Variants in HOXA3 observed in about 807,000 individuals in gnomAD.
The protein encoded by HOXA3 is homeobox protein Hox-A3.
HOXA3 carries 8 observed loss-of-function variants against 30.3 expected under a neutral mutation model. The observed-to-expected ratio is 0.26, with a 90% CI of 0.15 to 0.48. The LOEUF (loss-of-function observed/expected upper bound fraction) is 0.48, where lower values mean the gene tolerates loss of function less well. Ranked by LOEUF, HOXA3 falls within the 20% of genes least tolerant of loss-of-function variation. HOXA3 has a pLI of 0.99. For synonymous variants in HOXA3, 323 were observed against 273.1 expected, an observed-to-expected ratio of 1.18 and a Z score of -1.80; for missense variants, 653 against 614.4, an observed-to-expected ratio of 1.06 and a Z score of -0.66.
At position 27,110,676 on chromosome 7, in the gene HOXA3, A is replaced by G. The variant is rs1784321339; in HGVS notation, c.-36T>C. On this transcript the variant is annotated 5_prime_UTR_variant, in exon 5 of 6. Coordinates refer to ENST00000612286, the MANE Select transcript of HOXA3 (RefSeq NM_153631.3). ...CACGATCTTGATCGCACACTCTGAC[A>G]GGGGTTTGACACCCGTGAGGGCGCA... 1 of 1,590,916 alleles carries G rather than the reference A, an allele frequency of 6.3e-7. No homozygotes were observed. The highest frequency in any genetic ancestry group is 8.6e-7 in the Non-Finnish European group (1 of 1,161,836).
chr7:27,144,664 G>A (rs1404441461), intron 1 of HOXA3, among the ~76,000 whole-genome samples: 1 of 152,202 alleles, frequency 6.6e-6, no homozygotes, highest in Admixed American at 6.5e-5. Flanking sequence ...GGTTACTGGG[G>A]TCTTGCTTAG....
At chr7:27,133,335 T>C (rs530555009) in intron 2 of HOXA3, among the ~76,000 whole-genome samples, 1 of 152,304 alleles carries the variant, frequency 6.6e-6, no homozygotes, top group East Asian at 1.9e-4. Context: ...TTACACAATA[T>C]CCAAGACACC....
At chr7:27,144,205 C>T (rs1433884923) in intron 1 of HOXA3, among the ~76,000 whole-genome samples, 1 of 152,176 alleles carries the variant, frequency 6.6e-6, no homozygotes, top group African/African-American at 2.4e-5. Context: ...ACCGTCCTGC[C>T]AGCAGCTCTG....
intron 1 of HOXA3, chr7:27,147,428 C>T: frequency 6.2e-7 from 1 of 1,614,144 alleles, no homozygotes. Context: ...TACTGCTGCT[C>T]GGGAGAAAAG....
intron 3 of HOXA3, among the ~76,000 whole-genome samples, chr7:27,124,850 T>A (rs1785212510): frequency 6.6e-6 from 1 of 152,038 alleles, no homozygotes; most frequent in South Asian, 2.1e-4. Flanking sequence ...GCCACCACCA[T>A]GGAAATAGCA....
intron 2 of HOXA3, among the ~76,000 whole-genome samples, chr7:27,138,151 C>T (rs1299681386): frequency 6.6e-6 from 1 of 152,180 alleles, no homozygotes; most frequent in Non-Finnish European, 1.5e-5. Context: ...TATCCTTGTT[C>T]CCACTAAGAT....
chr7:27,114,844 TAATATATATTATATATATA>T (rs1562714570), intron 4 of HOXA3, among the ~76,000 whole-genome samples: 3 of 103,426 alleles, frequency 2.9e-5, no homozygotes, highest in Non-Finnish European at 6.0e-5. Context: ...ATTATATATA[TAATATATATTATATATATA>T]ATATATATTA....
chr7:27,133,841 G>T (rs1238070289), intron 2 of HOXA3, among the ~76,000 whole-genome samples: 1 of 152,212 alleles, frequency 6.6e-6, no homozygotes, highest in Admixed American at 6.5e-5. Context: ...CACATTGACA[G>T]TCTTTGTTAA....
chr7:27,133,675 G>A (rs1785630505), intron 2 of HOXA3, among the ~76,000 whole-genome samples: 1 of 152,222 alleles, frequency 6.6e-6, no homozygotes. Context: ...GAGAGGGAGG[G>A]TGCAAGGGAG....
chr7:27,148,637 G>C (rs1041627573), intron 1 of HOXA3, among the ~76,000 whole-genome samples: 9 of 152,250 alleles, frequency 5.9e-5, no homozygotes. Context: ...TTTGAACCCA[G>C]GGAATTGAAA....
rs972673216 is a variant in HOXA3, at chr7:27,107,189, A to G, written c.*726T>C. On this transcript the variant is annotated 3_prime_UTR_variant, in exon 6 of 6. Transcript: ENST00000612286. ...GCTGGATCTTCTCTGGTTTTATTGTATCGTTACCGTTTAAAGGAATTATAT... is the reference window on the plus strand; with the variant it reads ...GCTGGATCTTCTCTGGTTTTATTGTGTCGTTACCGTTTAAAGGAATTATAT... 1 of 152,200 alleles carries G rather than the reference A, an allele frequency of 6.6e-6. No homozygotes were observed. Among genetic ancestry groups the G allele is most frequent in the African/African-American group, 2.4e-5 (1 of 41,382 alleles). 9.4% of individuals were successfully genotyped at this position (152,200 alleles called of 1,614,324 possible).
At chr7:27,118,585 A>G (rs1333941272) in intron 4 of HOXA3, among the ~76,000 whole-genome samples, 2 of 152,206 alleles carry the variant, frequency 1.3e-5, no homozygotes, top group African/African-American at 4.8e-5. Flanking sequence ...CATGAATGCC[A>G]TATAAGACAT....
At position 27,108,367 on chromosome 7, in the gene HOXA3, G is replaced by A; in HGVS notation, c.880C>T (p.Pro294Ser). ...TGGGGGGGCTTGGAGAAGGGCGGGG[G>A]CGACTGGGGCTCATACGGGACGCTG... ...VNSVPYEPQSPPPFSKPPQGT... is the reference protein window; with the variant it reads ...VNSVPYEPQSSPPFSKPPQGT... Residue 294 changes from proline (P) to serine (S), a missense_variant, in exon 6 of 6, where the codon CCC becomes TCC. This residue lies in a region of HOXA3 where 330 missense variants were observed against 274.4 expected (regional missense o/e 1.20). Transcript: ENST00000612286. The surrounding 1 kb of genome is among the most constrained non-coding windows in gnomAD (Gnocchi z 5.0). 5 of 1,555,402 alleles carry A rather than the reference G, an allele frequency of 3.2e-6. No homozygotes were observed. The highest frequency in any genetic ancestry group is 4.4e-6 in the Non-Finnish European group (5 of 1,143,438).
chr7:27,143,220 C>T, intron 1 of HOXA3: 6 of 1,610,148 alleles, frequency 3.7e-6, no homozygotes, highest in African/African-American at 1.3e-5. Context: ...CCGGCGTCGG[C>T]CGAGGCGCCG....
chr7:27,108,637 C>A lies in HOXA3; in HGVS notation c.610G>T (p.Val204Leu), dbSNP rs1784169188. 3 of 1,613,994 alleles carry A rather than the reference C, an allele frequency of 1.9e-6. No homozygotes were observed. The highest frequency in any genetic ancestry group is 2.5e-6 in the Non-Finnish European group (3 of 1,179,988). Residue 204 changes from valine (V) to leucine (L), a missense_variant, in exon 6 of 6, where the codon GTG (valine) becomes TTG (leucine). By Grantham distance (32) the Val-to-Leu change is conservative. Coordinates refer to ENST00000612286, the MANE Select transcript of HOXA3 (RefSeq NM_153631.3). This position sits in a 1 kb window ranked among gnomAD's most constrained non-coding sequence, Gnocchi z 5.0. ...AAGTGGAACTCTTTCTCCAGCTCCA[C>A]CAGCTGCGCGCTCGTGTAGGCCGTG... is the stretch of plus-strand genomic sequence containing the variant. The part of the protein sequence containing the change: ...ARTAYTSAQL[V>L]ELEKEFHFNR...
intron 2 of HOXA3, chr7:27,130,707 G>C: frequency 6.2e-7 from 1 of 1,608,368 alleles, no homozygotes; most frequent in Non-Finnish European, 8.5e-7. Flanking sequence ...TGTAGTTGGA[G>C]TTTATCAAAA....
intron 1 of HOXA3, chr7:27,142,756 C>T (rs1290824232): frequency 4.9e-6 from 2 of 406,442 alleles, no homozygotes; most frequent in Admixed American, 4.4e-5. Flanking sequence ...TGGCCTGACC[C>T]GGGAGCGCGT....
intron 1 of HOXA3, among the ~76,000 whole-genome samples, chr7:27,148,190 C>A (rs1480215770): frequency 6.6e-6 from 1 of 152,288 alleles, no homozygotes; most frequent in Non-Finnish European, 1.5e-5. Context: ...CCCCGCCCCT[C>A]CTCCTCCAAA....
chr7:27,141,748 A>G, intron 1 of HOXA3: 2 of 1,505,734 alleles, frequency 1.3e-6, no homozygotes, highest in Non-Finnish European at 1.8e-6. Context: ...TCACAGAAGG[A>G]ACACAAGGGA....
Sources: allele counts gnomAD v4.1 joint callset (sites outside exome capture counted in the v4.1 genomes callset), GRCh38; gene constraint gnomAD v4.1.1; regional missense constraint gnomAD v4.1.1; non-coding constraint Gnocchi (gnomAD v3.1); transcripts MANE v1.5; gene names NCBI Gene and HGNC (gene_info 2026-07-23, HGNC 2026-07-21).